Variants in FRRS1L observed in about 807,000 individuals in gnomAD.
FRRS1L encodes DOMON domain-containing protein FRRS1L.
In FRRS1L, 22 loss-of-function variants were observed where a neutral mutation model predicts 28.6. The ratio of observed to expected loss-of-function variants is 0.77; its 90% CI spans 0.55 to 1.10. FRRS1L has a LOEUF of 1.10. Ranked by LOEUF, FRRS1L falls within the 50% of genes least tolerant of loss-of-function variation. The pLI, the probability that FRRS1L is intolerant of heterozygous loss-of-function variation, is 0.00. For missense variants in FRRS1L, 380 were observed against 386.9 expected, an observed-to-expected ratio of 0.98 and a Z score of 0.15; for synonymous variants, 158 against 151.4, an observed-to-expected ratio of 1.04 and a Z score of -0.32.
Position 109,167,171 on chromosome 9 carries a change from G to T in FRRS1L, c.-33C>A. The T allele has an allele frequency of 8.7e-7, 1 of 1,148,282 alleles. No individual in the cohort carries two copies. Among genetic ancestry groups the T allele is most frequent in the Non-Finnish European group, 1.1e-6 (1 of 937,750 alleles). 71.1% of individuals were successfully genotyped at this position (1,148,282 alleles called of 1,614,324 possible). A position where few individuals can be genotyped will look rare whatever the true frequency, so the allele number is the denominator to read the frequency against. On this transcript the variant is annotated 5_prime_UTR_variant, in exon 1 of 5. Transcript: ENST00000561981. ...CACAGATCCCGCAGCCAGGCCGCTC[G>T]GGCCGCAGCGGGGGCGCCGCGGGCG...
In FRRS1L at chr9:109,133,934, G is replaced by A. The variant is rs1324661108; in HGVS notation, c.*3521C>T. The A allele has an allele frequency of 2.6e-5, 4 of 152,106 alleles. No homozygotes were observed. Among genetic ancestry groups the A allele is most frequent in the Non-Finnish European group, 5.9e-5 (4 of 68,018 alleles). The allele number at this position is 152,106 out of a possible 1,614,324, so 9.4% of individuals were successfully genotyped here. On this transcript the variant is annotated 3_prime_UTR_variant, in exon 5 of 5. Coordinates refer to ENST00000561981, the MANE Select transcript of FRRS1L (RefSeq NM_014334.4). ...GAATTATCACTTCAGCATGTCTATC[G>A]ACTGCTAGTTCTCTGAGATAATGGT...
chr9:109,155,148 A>G (rs146951858), intron 1 of FRRS1L, among the ~76,000 whole-genome samples: 4 of 152,350 alleles, frequency 2.6e-5, no homozygotes, highest in African/African-American at 9.6e-5. Context: ...AAGCCTGGAA[A>G]TGCCCAAACA....
chr9:109,165,268 C>G (rs1460016157), intron 1 of FRRS1L, among the ~76,000 whole-genome samples: 1 of 152,160 alleles, frequency 6.6e-6, no homozygotes, highest in Non-Finnish European at 1.5e-5. Context: ...TATGTTTTTG[C>G]CAAAGGAATG....
rs1033309136 is a variant in FRRS1L, at chr9:109,164,380, T to C, written c.238+2521A>G. 4.7e-5 allele frequency among the ~76,000 whole-genome samples: 7 copies of C among 150,338 alleles called. No homozygotes were observed. The Admixed American group carries it at 4.7e-4, about 10-fold the overall frequency. ...TTCAGATAAAGCAGTTGAATATTCATTCAGGGAGCAGGTTGATTTTTTTTT... is the reference window on the plus strand; with the variant it reads ...TTCAGATAAAGCAGTTGAATATTCACTCAGGGAGCAGGTTGATTTTTTTTT... On this transcript the variant is annotated intron_variant, in intron 1 of 4. Transcript: ENST00000561981.
rs746889877 is a variant in FRRS1L at position 109,130,961 on chromosome 9, C to A, written c.*6494G>T. On this transcript the variant is annotated 3_prime_UTR_variant, in exon 5 of 5. Transcript: ENST00000561981. ...GGGAAAACTGAACACATTAATCAAGCAGCAGTGTGTTTTATGTTAAAAATC... is the reference window on the plus strand; with the variant it reads ...GGGAAAACTGAACACATTAATCAAGAAGCAGTGTGTTTTATGTTAAAAATC... 9 of 152,226 alleles carry A rather than the reference C, an allele frequency of 5.9e-5. No individual in the cohort carries two copies. The highest frequency in any genetic ancestry group is 1.3e-4 in the Non-Finnish European group (9 of 68,032). 9.4% of individuals were successfully genotyped at this position (152,226 alleles called of 1,614,324 possible). A position where few individuals can be genotyped will look rare whatever the true frequency, so the allele number is the denominator to read the frequency against.
chr9:109,151,215 C>T (rs1448715613), intron 1 of FRRS1L: 1 of 152,132 alleles, frequency 6.6e-6, no homozygotes, highest in Non-Finnish European at 1.5e-5. Flanking sequence ...TAGTTTTATG[C>T]TTATTTTATG....
intron 3 of FRRS1L, among the ~76,000 whole-genome samples, chr9:109,145,890 C>A (rs1831253627): frequency 6.6e-6 from 1 of 152,042 alleles, no homozygotes. Context: ...TTCAAAATAG[C>A]CTTCATAATA....
chr9:109,146,964 C>T, intron 3 of FRRS1L, 87 bp downstream of exon 3: 1 of 1,231,406 alleles, frequency 8.1e-7, no homozygotes, highest in Admixed American at 1.8e-5. Flanking sequence ...CATTATACTG[C>T]TTTGATCAAT....
intron 4 of FRRS1L, chr9:109,141,093 C>T (rs902129729): frequency 2.8e-5 from 15 of 543,862 alleles, no homozygotes; most frequent in African/African-American, 2.5e-4. Context: ...TTAAGCACAT[C>T]ACTCATGACA....
Position 109,167,034 on chromosome 9 carries a change from C to A in FRRS1L, c.105G>T (p.Ala35=). The A allele has an allele frequency of 8.3e-7, 1 of 1,207,108 alleles. No homozygotes were observed. The allele number at this position is 1,207,108 out of a possible 1,614,324, so 74.8% of individuals were successfully genotyped here. ...CCCGGGGTCCCCGGCCCCCCGGGCC[C>A]GCACCGTCGTCCGCGGGGCTGGCTG... ...ACAASPADDG[A]GPGGRGPRGR... is the part of the protein sequence containing the mutation. Residue 35 remains alanine, a synonymous_variant, in exon 1 of 5, where the codon GCG becomes GCT. Coordinates refer to ENST00000561981, the MANE Select transcript of FRRS1L (RefSeq NM_014334.4).
chr9:109,159,027 A>G (rs961613249), intron 1 of FRRS1L, among the ~76,000 whole-genome samples: 2 of 152,182 alleles, frequency 1.3e-5, no homozygotes, highest in African/African-American at 4.8e-5. Flanking sequence ...GTGAAATGGT[A>G]TCTCTTTATG....
chr9:109,158,977 T>A (rs2118506263), intron 1 of FRRS1L, among the ~76,000 whole-genome samples: 1 of 152,356 alleles, frequency 6.6e-6, no homozygotes, highest in East Asian at 1.9e-4. Flanking sequence ...TGCCAGGACT[T>A]GTTATTTTCC....
In FRRS1L at chr9:109,136,088, C is replaced by G. The variant is rs572052913; in HGVS notation, c.*1367G>C. 6.6e-6 allele frequency: 1 copy of G among 151,922 alleles called. No homozygotes were observed. Among genetic ancestry groups the G allele is most frequent in the South Asian group, 2.1e-4 (1 of 4,806 alleles). The allele number at this position is 151,922 out of a possible 1,614,324, so 9.4% of individuals were successfully genotyped here. A position where few individuals can be genotyped will look rare whatever the true frequency, so the allele number is the denominator to read the frequency against. ...CTACTAAAAATACAAAAAAATTAGC[C>G]AGGCATAGTGGCACATGCCTGTAAT... On this transcript the variant is annotated 3_prime_UTR_variant, in exon 5 of 5. Transcript: ENST00000561981.
intron 3 of FRRS1L, 140 bp from the exon 4 acceptor site, chr9:109,141,729 A>C: frequency 1.2e-6 from 1 of 849,362 alleles, no homozygotes; most frequent in Non-Finnish European, 1.8e-6. Flanking sequence ...AAAAAGTCTC[A>C]ACCAGGAGAC....
At chr9:109,164,001 GC>G (rs1441233518) in intron 1 of FRRS1L, among the ~76,000 whole-genome samples, 1 of 152,082 alleles carries the variant, frequency 6.6e-6, no homozygotes, top group Non-Finnish European at 1.5e-5. Context: ...CTTTTCCTTT[GC>G]CTTCTGGGAC....
Position 109,132,515 on chromosome 9 carries a change from T to C in FRRS1L, c.*4940A>G, listed in dbSNP as rs1831069653. The C allele has an allele frequency of 6.6e-6, 1 of 152,236 alleles. No individual in the cohort carries two copies. Among genetic ancestry groups the C allele is most frequent in the Non-Finnish European group, 1.5e-5 (1 of 68,042 alleles). The allele number at this position is 152,236 out of a possible 1,614,324, so 9.4% of individuals were successfully genotyped here. A position where few individuals can be genotyped will look rare whatever the true frequency, so the allele number is the denominator to read the frequency against. On this transcript the variant is annotated 3_prime_UTR_variant, in exon 5 of 5. Coordinates refer to ENST00000561981, the MANE Select transcript of FRRS1L (RefSeq NM_014334.4). ...TTTATTTATAAAAATAAATCAACAATAATTTATTTTAAAAGCAAATTATTC... is the reference window on the plus strand; with the variant it reads ...TTTATTTATAAAAATAAATCAACAACAATTTATTTTAAAAGCAAATTATTC...
intron 1 of FRRS1L, among the ~76,000 whole-genome samples, chr9:109,152,737 G>A (rs1831347508): frequency 6.9e-6 from 1 of 145,430 alleles, no homozygotes; most frequent in African/African-American, 2.5e-5. Flanking sequence ...CCGGGAGGTG[G>A]AGCGTGCAGT....
chr9:109,149,410 G>A (rs1054501276), intron 2 of FRRS1L, among the ~76,000 whole-genome samples: 3 of 152,170 alleles, frequency 2.0e-5, no homozygotes, highest in Non-Finnish European at 4.4e-5. Context: ...TGGTGGTACA[G>A]CTAGAAAAGA....
rs144871789 is a variant in FRRS1L, at chr9:109,154,834, A to G, written c.239-5114T>C. ...CTATGATAAACTGAAAGGACACATT[A>G]GCGATAATGGATAACAGACAATTTG... is the stretch of plus-strand genomic sequence containing the variant. On this transcript the variant is annotated intron_variant, in intron 1 of 4. Transcript: ENST00000561981. Among the ~76,000 whole-genome samples, 129 of 152,350 alleles carry G rather than the reference A, an allele frequency of 8.5e-4. 2 individuals carry two copies. The highest frequency in any genetic ancestry group is 1.5e-3 in the Non-Finnish European group (103 of 68,030).
Sources: gnomAD v4.1 joint callset for allele counts (sites outside exome capture counted in the v4.1 genomes callset) on GRCh38, gnomAD v4.1.1 for gene constraint, MANE v1.5 for transcripts, NCBI Gene and HGNC (gene_info 2026-07-23, HGNC 2026-07-21) for gene names.